MYLK: variants seen among roughly 807,000 people sequenced by gnomAD.
MYLK encodes the protein myosin light chain kinase, smooth muscle.
Under a neutral mutation model 203.4 loss-of-function variants are expected in MYLK, and 106 were observed. The observed-to-expected ratio is 0.52, with a 90% CI of 0.45 to 0.61. The LOEUF is 0.61. MYLK is among the 20% of genes least tolerant of loss of function. MYLK has a pLI of 0.00. For synonymous variants in MYLK, 867 were observed against 959.5 expected, an observed-to-expected ratio of 0.90 and a Z score of 1.78; for missense variants, 2,072 against 2,442.3, an observed-to-expected ratio of 0.85 and a Z score of 3.20.
chr3:123,761,206 C>T (rs894517227), intron 4 of MYLK, among the ~76,000 whole-genome samples: 1 of 152,224 alleles, frequency 6.6e-6, no homozygotes, highest in African/African-American at 2.4e-5. Context: ...ACACTGGCCA[C>T]AGATTGTTCT....
chr3:123,745,835 T>C (rs1243805623), intron 5 of MYLK, among the ~76,000 whole-genome samples: 4 of 152,074 alleles, frequency 2.6e-5, no homozygotes, highest in Non-Finnish European at 5.9e-5. Context: ...AAAATACTTA[T>C]TTATAATTTA....
intron 16 of MYLK, among the ~76,000 whole-genome samples, chr3:123,702,899 G>A (rs2061302986): frequency 6.6e-6 from 1 of 152,182 alleles, no homozygotes. Context: ...GGAGGGAGGG[G>A]TTGGGACCTG....
chr3:123,737,625 TG>T, intron 7 of MYLK, 82 bp from the exon 8 acceptor site: 1 of 1,565,558 alleles, frequency 6.4e-7, no homozygotes, highest in Non-Finnish European at 8.8e-7. Flanking sequence ...CCAATCCTAG[TG>T]GGATAGACTC....
intron 20 of MYLK, among the ~76,000 whole-genome samples, chr3:123,673,161 C>CTTTTTTTTTTTTTT (rs761090869): frequency 3.7e-5 from 5 of 136,960 alleles, no homozygotes; most frequent in African/African-American, 1.4e-4. Flanking sequence ...TTTTTCTTTT[C>CTTTTTTTTTTTTTT]TTTTTTTTTT....
At chr3:123,735,238 A>G in intron 9 of MYLK, 160 bp downstream of exon 9, 2 of 969,868 alleles carry the variant, frequency 2.1e-6, no homozygotes, top group Admixed American at 1.7e-5. Context: ...TCATATTACA[A>G]TAGGAGAACA....
chr3:123,676,050 G>A (rs2060063482), intron 20 of MYLK, among the ~76,000 whole-genome samples: 1 of 152,258 alleles, frequency 6.6e-6, no homozygotes, highest in African/African-American at 2.4e-5. Context: ...CCAGGACACA[G>A]AGCATCAGGA....
intron 3 of MYLK, among the ~76,000 whole-genome samples, chr3:123,826,448 A>G (rs2066122376): frequency 6.6e-6 from 1 of 152,336 alleles, no homozygotes; most frequent in Admixed American, 6.5e-5. Context: ...CAAGCAGGCA[A>G]CCATGCAGCT....
At chr3:123,704,480 C>T (rs1313784837) in intron 16 of MYLK, among the ~76,000 whole-genome samples, 8 of 152,210 alleles carry the variant, frequency 5.3e-5, no homozygotes, top group Non-Finnish European at 1.5e-5. Context: ...GAACCTTTCA[C>T]AAAGAGTCCT....
Position 123,855,814 on chromosome 3 carries a change from C to T in MYLK, c.-127+20745G>A, listed in dbSNP as rs1920231. 3.6e-3 allele frequency among the ~76,000 whole-genome samples: 550 copies of T among 152,186 alleles called. 2 individuals carry two copies. Among genetic ancestry groups the T allele is most frequent in the African/African-American group, 0.01 (426 of 41,540 alleles). Reference sequence around the variant, plus strand: ...CATGGTAACCAAAGCAAATAGACCCCGATCCTGCTTTTTGCCACCACTACC... The same window carrying T: ...CATGGTAACCAAAGCAAATAGACCCTGATCCTGCTTTTTGCCACCACTACC... On this transcript the variant is annotated intron_variant, in intron 2 of 33. Transcript: ENST00000360304.
chr3:123,803,329 G>A (rs537977561), intron 3 of MYLK, among the ~76,000 whole-genome samples: 1 of 152,286 alleles, frequency 6.6e-6, no homozygotes, highest in East Asian at 1.9e-4. Flanking sequence ...TGATTTTAAA[G>A]TTTCTGTCAG....
At chr3:123,670,100 G>T (rs1207888867) in intron 20 of MYLK, among the ~76,000 whole-genome samples, 1 of 150,838 alleles carries the variant, frequency 6.6e-6, no homozygotes, top group Admixed American at 6.6e-5. Context: ...CTAGATGAAG[G>T]GTATATACAA....
At chr3:123,749,280 A>G (rs1180180010) in intron 5 of MYLK, among the ~76,000 whole-genome samples, 3 of 137,436 alleles carry the variant, frequency 2.2e-5, no homozygotes, top group African/African-American at 9.4e-5. Context: ...CCTAGCCTCA[A>G]AAAAAAAAAA....
chr3:123,828,877 T>A (rs566072588), intron 3 of MYLK, among the ~76,000 whole-genome samples: 1 of 152,098 alleles, frequency 6.6e-6, no homozygotes, highest in South Asian at 2.1e-4. Flanking sequence ...ATCAGGGAAA[T>A]ACAAATCAAA....
intron 16 of MYLK, 150 bp downstream of exon 16, chr3:123,707,604 T>C (rs906493753): frequency 2.1e-5 from 25 of 1,207,952 alleles, no homozygotes; most frequent in Non-Finnish European, 2.8e-5. Flanking sequence ...AAGCAAAAGC[T>C]TGTGAGCAGC....
At chr3:123,618,492 C>T (rs2057643617) in intron 33 of MYLK, 147 bp downstream of exon 33, 3 of 1,066,526 alleles carry the variant, frequency 2.8e-6, no homozygotes, top group Non-Finnish European at 4.2e-6. Context: ...ATGAGCAGCT[C>T]CTGCTGACCC....
intron 29 of MYLK, among the ~76,000 whole-genome samples, chr3:123,636,777 G>A (rs2058659407): frequency 6.6e-6 from 1 of 152,218 alleles, no homozygotes; most frequent in Admixed American, 6.5e-5. Context: ...ACCTGGCCCG[G>A]GGTTTTTCTG....
chr3:123,615,912 G>GTCTT (rs1480106811), intron 33 of MYLK, among the ~76,000 whole-genome samples: 3 of 152,202 alleles, frequency 2.0e-5, no homozygotes, highest in African/African-American at 7.2e-5. Flanking sequence ...GCCTTCCAAA[G>GTCTT]TGTTGGGATT....
intron 18 of MYLK, among the ~76,000 whole-genome samples, chr3:123,697,462 T>C (rs1351434980): frequency 6.6e-6 from 1 of 152,222 alleles, no homozygotes; most frequent in Non-Finnish European, 1.5e-5. Flanking sequence ...TAGTGTTTTC[T>C]GTTGATAGAC....
At chr3:123,650,551 A>G (rs967085974) in intron 24 of MYLK, among the ~76,000 whole-genome samples, 57 of 152,324 alleles carry the variant, frequency 3.7e-4, no homozygotes, top group African/African-American at 1.2e-3. Flanking sequence ...AAAAAAGACT[A>G]AAACTAAACA....
Sources: allele counts gnomAD v4.1 joint callset (sites outside exome capture counted in the v4.1 genomes callset), GRCh38; gene constraint gnomAD v4.1.1; transcripts MANE v1.5; gene names NCBI Gene and HGNC (gene_info 2026-07-23, HGNC 2026-07-21).